FRMD3: variants seen among roughly 807,000 people sequenced by gnomAD.
The protein encoded by FRMD3 is FERM domain-containing protein 3.
In FRMD3, 33 loss-of-function variants were observed where a neutral mutation model predicts 70.2. The ratio of observed to expected loss-of-function variants is 0.47; its 90% confidence interval spans 0.36 to 0.63. The LOEUF (loss-of-function observed/expected upper bound fraction) is 0.63, where lower values mean the gene tolerates loss of function less well. Among genes scored for constraint, FRMD3 ranks in the 20% least tolerant of loss-of-function variants. The probability of loss-of-function intolerance (pLI) is 0.00; values close to 1 mark genes in which losing one functional copy is unlikely to be tolerated. For missense variants in FRMD3, 632 were observed against 711.4 expected (o/e 0.89, Z 1.27); for synonymous variants, 279 against 255.9 (o/e 1.09, Z -0.86).
At chr9:83,524,639 C>A (rs1407390454) in intron 1 of FRMD3, among the ~76,000 whole-genome samples, 3 of 152,128 alleles carry the variant, frequency 2.0e-5, no homozygotes, top group Non-Finnish European at 2.9e-5. Flanking sequence ...GTAATAAGAG[C>A]AAACCTAAAA....
intron 2 of FRMD3, among the ~76,000 whole-genome samples, chr9:83,383,871 T>C (rs953137198): frequency 3.3e-5 from 5 of 152,188 alleles, no homozygotes; most frequent in African/African-American, 4.8e-5. Context: ...TTATCAAGCA[T>C]CCATTTCCCT....
chr9:83,478,488 A>G (rs377070051), intron 1 of FRMD3, among the ~76,000 whole-genome samples: 2 of 152,332 alleles, frequency 1.3e-5, no homozygotes, highest in East Asian at 3.9e-4. Context: ...TATTATGAAA[A>G]CAACAACAGC....
intron 5 of FRMD3, among the ~76,000 whole-genome samples, chr9:83,339,031 G>A (rs1329490244): frequency 6.6e-6 from 1 of 152,150 alleles, no homozygotes; most frequent in Admixed American, 6.5e-5. Context: ...ATATGAAACT[G>A]GGTCATCTTC....
chr9:83,479,703 A>ATG (rs1491143203), intron 1 of FRMD3, among the ~76,000 whole-genome samples: 1 of 74,702 alleles, frequency 1.3e-5, no homozygotes, highest in African/African-American at 7.2e-5. Context: ...AAAGAAAGAA[A>ATG]GAAAGAAAGA....
intron 12 of FRMD3, among the ~76,000 whole-genome samples, chr9:83,294,597 A>C (rs1425938773): frequency 6.6e-6 from 1 of 152,076 alleles, no homozygotes; most frequent in East Asian, 1.9e-4. Context: ...TTTTTCTCTT[A>C]GTGCGTCTTG....
chr9:83,470,897 G>A (rs1828252416), intron 1 of FRMD3, among the ~76,000 whole-genome samples: 1 of 152,218 alleles, frequency 6.6e-6, no homozygotes, highest in South Asian at 2.1e-4. Flanking sequence ...TGAAGAATGT[G>A]ATCTTACACA....
chr9:83,500,502 GCACACACA>G (rs3084172), intron 1 of FRMD3, among the ~76,000 whole-genome samples: 46 of 143,816 alleles, frequency 3.2e-4, no homozygotes, highest in East Asian at 1.4e-3. Context: ...GTGTATGCGC[GCACACACA>G]CACACACACA....
chr9:83,385,186 T>TA (rs11367534), intron 2 of FRMD3, among the ~76,000 whole-genome samples: 76 of 149,730 alleles, frequency 5.1e-4, no homozygotes, highest in East Asian at 3.5e-3. Context: ...TATACTGGAG[T>TA]AAAAAAAAAA....
chr9:83,247,247 G>A lies in FRMD3; in HGVS notation c.*671C>T, dbSNP rs1832149062. 8 of 985,126 alleles carry A rather than the reference G, an allele frequency of 8.1e-6. No homozygotes were observed. The South Asian group carries it at 3.8e-4, about 46-fold the overall frequency. 61.0% of individuals were successfully genotyped at this position (985,126 alleles called of 1,614,324 possible). A position where few individuals can be genotyped will look rare whatever the true frequency, so the allele number is the denominator to read the frequency against. ...CTACCCATTTTCTATCTCCTATGCAGATCATAACAAATTATGGTATTGTTC... is the reference window on the plus strand; with the variant it reads ...CTACCCATTTTCTATCTCCTATGCAAATCATAACAAATTATGGTATTGTTC... On this transcript the variant is annotated 3_prime_UTR_variant, in exon 14 of 14. Transcript: ENST00000304195.
chr9:83,363,656 G>A (rs1824687588), intron 3 of FRMD3, among the ~76,000 whole-genome samples: 2 of 147,010 alleles, frequency 1.4e-5, no homozygotes, highest in East Asian at 2.1e-4. Context: ...CGGGGTTCAC[G>A]CCATTCTCCT....
chr9:83,385,469 T>A (rs548802168), intron 2 of FRMD3, among the ~76,000 whole-genome samples: 6 of 152,318 alleles, frequency 3.9e-5, no homozygotes, highest in Non-Finnish European at 8.8e-5. Flanking sequence ...AAGATAGTCA[T>A]CATTTCCTGA....
intron 4 of FRMD3, among the ~76,000 whole-genome samples, chr9:83,347,184 G>A (rs749289387): frequency 2.6e-5 from 4 of 152,164 alleles, no homozygotes; most frequent in Non-Finnish European, 5.9e-5. Context: ...CAGCTTTCAC[G>A]TCAGACTTTG....
intron 1 of FRMD3, among the ~76,000 whole-genome samples, chr9:83,419,491 G>A (rs1564068397): frequency 6.6e-6 from 1 of 151,286 alleles, no homozygotes; most frequent in East Asian, 1.9e-4. Flanking sequence ...TTGAGAGTGT[G>A]TGTGTTCATG....
chr9:83,331,018 A>G (rs1587733018), intron 6 of FRMD3, among the ~76,000 whole-genome samples: 1 of 152,242 alleles, frequency 6.6e-6, no homozygotes, highest in Non-Finnish European at 1.5e-5. Flanking sequence ...GCGAAATGCT[A>G]CAGCCACTTT....
chr9:83,267,059 AAC>A (rs1428380434), intron 13 of FRMD3: 1 of 1,550,972 alleles, frequency 6.4e-7, no homozygotes, highest in Non-Finnish European at 8.7e-7. Context: ...CAGACGAACA[AAC>A]ACATTACTGT....
rs531904526 is a variant in FRMD3 at position 83,272,244 on chromosome 9, C to T, written c.1195+18359G>A. ...TCAGCCTGCCCAGTGCCTGGGATTGCAGGCGGGCGCCGCCACGCCTGACTG... is the reference window on the plus strand; with the variant it reads ...TCAGCCTGCCCAGTGCCTGGGATTGTAGGCGGGCGCCGCCACGCCTGACTG... On this transcript the variant is annotated intron_variant, in intron 13 of 13. Coordinates refer to ENST00000304195, the MANE Select transcript of FRMD3 (RefSeq NM_174938.6). 5.9e-5 allele frequency among the ~76,000 whole-genome samples: 9 copies of T among 152,058 alleles called. No individual in the cohort carries two copies. In the East Asian group the frequency reaches 1.2e-3, roughly 20 times the overall value.
intron 2 of FRMD3, among the ~76,000 whole-genome samples, chr9:83,389,273 G>A (rs1312664573): frequency 6.6e-6 from 1 of 152,100 alleles, no homozygotes; most frequent in Admixed American, 6.5e-5. Context: ...AGTGAGTGGG[G>A]TTGAGCAGGG....
At chr9:83,554,692 GAAGCAGT>G in the FRMD3 span, among the ~76,000 whole-genome samples, 1 of 152,218 alleles carries the variant, frequency 6.6e-6, no homozygotes, top group Non-Finnish European at 1.5e-5. Flanking sequence ...TTCCACTGCA[GAAGCAGT>G]GGAAGAGAGG....
At chr9:83,435,763 T>A (rs1827115975) in intron 1 of FRMD3, among the ~76,000 whole-genome samples, 1 of 152,234 alleles carries the variant, frequency 6.6e-6, no homozygotes, top group African/African-American at 2.4e-5. Context: ...GAGATGTTTT[T>A]AGGGGCTTGT....
Sources: allele counts gnomAD v4.1 joint callset (sites outside exome capture counted in the v4.1 genomes callset), GRCh38; gene constraint gnomAD v4.1.1; transcripts MANE v1.5; gene names NCBI Gene and HGNC (gene_info 2026-07-23, HGNC 2026-07-21).